The following HERC2 variants were observed in gnomAD, a reference collection of about 807,000 sequenced individuals.
The protein encoded by HERC2 is E3 ubiquitin-protein ligase HERC2.
HERC2 carries 102 observed loss-of-function variants against 537.7 expected under a neutral mutation model. That is an observed-to-expected ratio of 0.19 (90% CI 0.16 to 0.22). The LOEUF is 0.22. HERC2 is among the 10% of genes least tolerant of loss of function. The probability of loss-of-function intolerance (pLI) is 1.00; values close to 1 mark genes in which losing one functional copy is unlikely to be tolerated. For synonymous variants in HERC2, 2,224 were observed against 2,466.2 expected (o/e 0.90, Z 2.91); for missense variants, 4,236 against 6,198.2 (o/e 0.68, Z 10.63).
At chr15:28,175,776 C>G in intron 63 of HERC2, 120 bp from the exon 64 acceptor site, 1 of 936,636 alleles carries the variant, frequency 1.1e-6, no homozygotes, top group African/African-American at 1.6e-5. Context: ...ACACAGCACC[C>G]AAGGTCTTCA....
At chr15:28,174,093 A>G (rs376403165) in intron 65 of HERC2, among the ~76,000 whole-genome samples, 3 of 152,264 alleles carry the variant, frequency 2.0e-5, no homozygotes, top group East Asian at 3.9e-4. Flanking sequence ...AAAATACAAA[A>G]GAGCCCAGTA....
At chr15:28,151,692 A>C (rs548258019) in intron 70 of HERC2, among the ~76,000 whole-genome samples, 1 of 152,182 alleles carries the variant, frequency 6.6e-6, no homozygotes, top group South Asian at 2.1e-4. Flanking sequence ...AAACAGGATA[A>C]TCTCAGCTTC....
At chr15:28,258,469 T>A (rs1227132913) in intron 16 of HERC2, among the ~76,000 whole-genome samples, 1 of 151,788 alleles carries the variant, frequency 6.6e-6, no homozygotes, top group African/African-American at 2.4e-5. Flanking sequence ...CAAAACTCCA[T>A]CTCAAAATAA....
At chr15:28,275,834 T>G (rs1423019733) in intron 5 of HERC2, among the ~76,000 whole-genome samples, 3 of 151,530 alleles carry the variant, frequency 2.0e-5, no homozygotes, top group Non-Finnish European at 1.5e-5. Flanking sequence ...CTCAACTCAA[T>G]CATGCACAGC....
chr15:28,149,856 C>CA (rs1892228526), intron 70 of HERC2, among the ~76,000 whole-genome samples: 1 of 151,994 alleles, frequency 6.6e-6, no homozygotes, highest in African/African-American at 2.4e-5. Context: ...CACGAACGCA[C>CA]ATTCTAGTAA....
rs1388421454 is a variant in HERC2 at position 28,146,352 on chromosome 15, A to T, written c.10901-8T>A. 1 of 1,599,594 alleles carries T rather than the reference A, an allele frequency of 6.3e-7. No individual in the cohort carries two copies. Among genetic ancestry groups the T allele is most frequent in the South Asian group, 1.1e-5 (1 of 90,808 alleles). ...CCCTGAGTCCTTCTGCACCTGAAGG[A>T]CAGGCAAGCACAAAACATAGCAACC... is the stretch of plus-strand genomic sequence containing the variant. On this transcript the variant is annotated splice_region_variant and splice_polypyrimidine_tract_variant and intron_variant, in intron 70 of 92. Coordinates refer to ENST00000261609, the MANE Select transcript of HERC2 (RefSeq NM_004667.6).
chr15:28,151,836 AAG>A (rs2142337516), intron 70 of HERC2, among the ~76,000 whole-genome samples: 1 of 152,368 alleles, frequency 6.6e-6, no homozygotes, highest in Admixed American at 6.5e-5. Context: ...AAATGGAAGA[AAG>A]AATCAAGCTT....
chr15:28,207,616 G>T (rs1898626245), intron 44 of HERC2, among the ~76,000 whole-genome samples: 1 of 152,062 alleles, frequency 6.6e-6, no homozygotes, highest in Non-Finnish European at 1.5e-5. Context: ...AGTAGCTTTA[G>T]GTGCAGCCTT....
Position 28,155,335 on chromosome 15 carries a change from C to T in HERC2, c.10747-2505G>A, listed in dbSNP as rs142451695. ...TTCTAGTTCTAGATCCCTGAGGAAT[C>T]GCCACACTGTGTTCCGCAGTGGTTG... is the stretch of plus-strand genomic sequence containing the variant. On this transcript the variant is annotated intron_variant, in intron 69 of 92. Coordinates refer to ENST00000261609, the MANE Select transcript of HERC2 (RefSeq NM_004667.6). Among the ~76,000 whole-genome samples, 129 of 152,242 alleles carry T rather than the reference C, an allele frequency of 8.5e-4. 1 individual carries two copies. The highest frequency in any genetic ancestry group is 2.4e-3 in the Admixed American group (36 of 15,296).
At chr15:28,254,286 C>CA (rs2075181949) in intron 20 of HERC2, 54 bp downstream of exon 20, 117 of 1,325,660 alleles carry the variant, frequency 8.8e-5, no homozygotes, top group South Asian at 5.3e-4. Context: ...CTGTCACACA[C>CA]ACAAAAAAAA....
chr15:28,148,655 A>G (rs1318222605), intron 70 of HERC2, among the ~76,000 whole-genome samples: 1 of 144,022 alleles, frequency 6.9e-6, no homozygotes, highest in African/African-American at 3.0e-5. Context: ...GGCCACACGA[A>G]CGCACATTCT....
At chr15:28,208,418 T>A (rs1433024302) in intron 44 of HERC2, among the ~76,000 whole-genome samples, 1 of 152,070 alleles carries the variant, frequency 6.6e-6, no homozygotes, top group African/African-American at 2.4e-5. Flanking sequence ...CTTTCCCTTT[T>A]CATGCCTTCC....
At chr15:28,225,063 C>T (rs1385770091) in intron 35 of HERC2, among the ~76,000 whole-genome samples, 1 of 152,178 alleles carries the variant, frequency 6.6e-6, no homozygotes, top group Non-Finnish European at 1.5e-5. Flanking sequence ...CTTAACTCTA[C>T]ATCTGGAAGA....
intron 34 of HERC2, among the ~76,000 whole-genome samples, chr15:28,228,746 T>C (rs1034128285): frequency 2.0e-5 from 3 of 152,252 alleles, no homozygotes; most frequent in Non-Finnish European, 4.4e-5. Context: ...GCCTACCCCC[T>C]GCATTCTATG....
At chr15:28,310,199 C>A (rs1368742403) in intron 2 of HERC2, among the ~76,000 whole-genome samples, 1 of 152,230 alleles carries the variant, frequency 6.6e-6, no homozygotes, top group Non-Finnish European at 1.5e-5. Context: ...GTAATCCCAG[C>A]ACTTGGGAGG....
chr15:28,165,977 A>G (rs143008158), intron 68 of HERC2, among the ~76,000 whole-genome samples: 37 of 152,342 alleles, frequency 2.4e-4, no homozygotes, highest in African/African-American at 8.7e-4. Context: ...ACTGATTCCT[A>G]TGTTGGAGCA....
At position 28,177,129 on chromosome 15, in the gene HERC2, TACA is replaced by T. The variant is rs773883223; in HGVS notation, c.9255-5_9255-3del. On this transcript the variant is annotated splice_polypyrimidine_tract_variant and splice_region_variant and intron_variant, in intron 60 of 92. Transcript: ENST00000261609. This position sits in a 1 kb window ranked among gnomAD's most constrained non-coding sequence, Gnocchi z 5.0. The stretch of plus-strand genomic sequence containing the variant: ...ATCAGCCTTGGTTTGTCACAGTTCC[TACA>T]ACAAGATGAAATCAGCTCTCTACAG... 12 of 1,608,366 alleles carry T rather than the reference TACA, an allele frequency of 7.5e-6. No individual in the cohort carries two copies. The African/African-American group carries it at 8.0e-5, about 11-fold the overall frequency.
At chr15:28,180,948 G>C (rs1596145212) in intron 57 of HERC2, among the ~76,000 whole-genome samples, 1 of 152,056 alleles carries the variant, frequency 6.6e-6, no homozygotes, top group African/African-American at 2.4e-5. Flanking sequence ...CACAGATCTT[G>C]GTATCCACAG....
rs1164583323 is a variant in HERC2 at position 28,306,650 on chromosome 15, GTTC to G, written c.73-7137_73-7135del. ...AATAGTTTCACTAGGATTGGTAACA[GTTC>G]TTCTTTAAATGTTTGGTAAAATTCA... On this transcript the variant is annotated intron_variant, in intron 2 of 92. Transcript: ENST00000261609. Among the ~76,000 whole-genome samples, 15 of 152,344 alleles carry G rather than the reference GTTC, an allele frequency of 9.8e-5. 1 individual carries two copies. Among genetic ancestry groups the G allele is most frequent in the Admixed American group, 3.3e-4 (5 of 15,308 alleles).
Sources: gnomAD v4.1 joint callset for allele counts (sites outside exome capture counted in the v4.1 genomes callset) on GRCh38, gnomAD v4.1.1 for gene constraint, Gnocchi (gnomAD v3.1) non-coding constraint, MANE v1.5 for transcripts, NCBI Gene and HGNC (gene_info 2026-07-23, HGNC 2026-07-21) for gene names.